Variants in DGKI observed in about 807,000 individuals in gnomAD.
The protein encoded by DGKI is diacylglycerol kinase iota.
Under a neutral mutation model 147.5 loss-of-function variants are expected in DGKI, and 55 were observed. The ratio of observed to expected loss-of-function variants is 0.37; its 90% CI spans 0.30 to 0.47. The LOEUF (loss-of-function observed/expected upper bound fraction) is 0.47, where lower values mean the gene tolerates loss of function less well. DGKI is among the 20% of genes least tolerant of loss of function. DGKI has a pLI of 1.00. For missense variants in DGKI, 1,007 were observed against 1,323.8 expected, an observed-to-expected ratio of 0.76 and a Z score of 3.71; for synonymous variants, 469 against 477.1, an observed-to-expected ratio of 0.98 and a Z score of 0.22.
intron 19 of DGKI, among the ~76,000 whole-genome samples, chr7:137,567,546 T>C (rs185283879): frequency 6.6e-6 from 1 of 152,210 alleles, no homozygotes; most frequent in African/African-American, 2.4e-5. Flanking sequence ...CTCAGAAACT[T>C]GACAGGACAA....
chr7:137,817,411 T>C (rs1051407501), intron 1 of DGKI, among the ~76,000 whole-genome samples: 1 of 152,232 alleles, frequency 6.6e-6, no homozygotes, highest in African/African-American at 2.4e-5. Flanking sequence ...ACAAGATATA[T>C]ATACCTATAA....
intron 3 of DGKI, among the ~76,000 whole-genome samples, chr7:137,673,635 T>A (rs1334240774): frequency 1.3e-5 from 2 of 152,166 alleles, no homozygotes; most frequent in African/African-American, 2.4e-5. Context: ...CAGCAGGTTT[T>A]CAAACCCAGG....
chr7:137,393,387 T>C lies in DGKI; in HGVS notation c.3058-2051A>G, dbSNP rs552320089. On this transcript the variant is annotated intron_variant, in intron 32 of 32. Coordinates refer to ENST00000614521, the MANE Select transcript of DGKI (RefSeq NM_001321708.2). ...CTGTTTGGTTTGTCCCTCTTTTTCA[T>C]GGCTTCTCTCTGTTTTTAAAATGAT... 1.3e-4 allele frequency among the ~76,000 whole-genome samples: 20 copies of C among 152,314 alleles called. No homozygotes were observed. In the South Asian group the frequency reaches 1.5e-3, roughly 11 times the overall value.
At position 137,425,936 on chromosome 7, in the gene DGKI, A is replaced by C. The variant is rs1373504483; in HGVS notation, c.2762-13729T>G. ...ATCTACGTCTGATTGGTGTATCTGA[A>C]AGTGACGGGGAGAATGGAACCAAGT... On this transcript the variant is annotated intron_variant, in intron 28 of 32. Coordinates refer to ENST00000614521, the MANE Select transcript of DGKI (RefSeq NM_001321708.2). Among the ~76,000 whole-genome samples, 3 of 152,182 alleles carry C rather than the reference A, an allele frequency of 2.0e-5. No homozygotes were observed. In the East Asian group the frequency reaches 5.8e-4, roughly 29 times the overall value.
At chr7:137,432,676 C>A (rs1241220798) in intron 28 of DGKI, among the ~76,000 whole-genome samples, 1 of 152,048 alleles carries the variant, frequency 6.6e-6, no homozygotes, top group African/African-American at 2.4e-5. Flanking sequence ...GGAATAAAAC[C>A]AGCATGTAGA....
intron 1 of DGKI, among the ~76,000 whole-genome samples, chr7:137,808,294 T>G (rs1052349094): frequency 1.3e-5 from 2 of 152,218 alleles, no homozygotes; most frequent in African/African-American, 4.8e-5. Context: ...ATTAATCTTA[T>G]AAATACAGAC....
Position 137,846,523 on chromosome 7 carries a change from TCTC to T in DGKI, c.337_339del (p.Glu113del), listed in dbSNP as rs766543557. The T allele has an allele frequency of 6.4e-6, 10 of 1,572,932 alleles. No homozygotes were observed. Among genetic ancestry groups the T allele is most frequent in the Non-Finnish European group, 7.7e-6 (9 of 1,163,172 alleles). ...AGCTTCTCCTCCAGCGCTTCGTCCTTCTCCTTCTGGCCGGCGGCCGCGGGCTCG... is the reference window on the plus strand; with the variant it reads ...AGCTTCTCCTCCAGCGCTTCGTCCTTCTTCTGGCCGGCGGCCGCGGGCTCG... On this transcript the variant is annotated inframe_deletion, in exon 1 of 33. Transcript: ENST00000614521. The surrounding 1 kb of genome is among the most constrained non-coding windows in gnomAD (Gnocchi z 4.0).
At chr7:137,694,189 C>T (rs1410556675) in intron 1 of DGKI, among the ~76,000 whole-genome samples, 3 of 151,888 alleles carry the variant, frequency 2.0e-5, no homozygotes, top group South Asian at 2.1e-4. Flanking sequence ...GGCGAGGTGG[C>T]GGGCGCCTGT....
intron 1 of DGKI, among the ~76,000 whole-genome samples, chr7:137,738,022 G>C (rs1010914181): frequency 1.3e-5 from 2 of 152,256 alleles, no homozygotes; most frequent in African/African-American, 4.8e-5. Flanking sequence ...TAATAGCCAA[G>C]CTTTATTAAG....
At chr7:137,672,547 T>C (rs1822879197) in intron 3 of DGKI, among the ~76,000 whole-genome samples, 1 of 152,164 alleles carries the variant, frequency 6.6e-6, no homozygotes, top group Non-Finnish European at 1.5e-5. Flanking sequence ...AACAGAAATG[T>C]ATTCTCTCAC....
At chr7:137,646,837 T>C (rs983946951) in intron 5 of DGKI, among the ~76,000 whole-genome samples, 2 of 152,166 alleles carry the variant, frequency 1.3e-5, no homozygotes, top group Non-Finnish European at 2.9e-5. Flanking sequence ...AAAGGTTATA[T>C]ATCAAGGCAT....
At chr7:137,707,334 A>G (rs1794070311) in intron 1 of DGKI, among the ~76,000 whole-genome samples, 1 of 152,232 alleles carries the variant, frequency 6.6e-6, no homozygotes, top group Non-Finnish European at 1.5e-5. Context: ...TTGGCAAGCC[A>G]TCAGGGCACA....
At chr7:137,479,803 C>T (rs1374167484) in intron 23 of DGKI, among the ~76,000 whole-genome samples, 1 of 152,170 alleles carries the variant, frequency 6.6e-6, no homozygotes, top group Non-Finnish European at 1.5e-5. Flanking sequence ...TCAAAATTCT[C>T]ATCTGTCTGC....
chr7:137,659,838 C>G (rs1036633939), intron 3 of DGKI, among the ~76,000 whole-genome samples: 1 of 152,136 alleles, frequency 6.6e-6, no homozygotes, highest in African/African-American at 2.4e-5. Flanking sequence ...GAGGCTGAGG[C>G]AGGAGAACGG....
chr7:137,627,087 A>G (rs1820967805), intron 6 of DGKI, among the ~76,000 whole-genome samples: 1 of 152,052 alleles, frequency 6.6e-6, no homozygotes, highest in Admixed American at 6.6e-5. Context: ...TTATAGTTCT[A>G]TTTATTTATT....
At chr7:137,596,030 A>G (rs706565) in intron 12 of DGKI, among the ~76,000 whole-genome samples, 4,655 of 131,428 alleles carry the variant, frequency 0.035, 157 homozygotes, top group African/African-American at 0.14. Flanking sequence ...AAAAAAAAAA[A>G]AAAGAAAGAA....
chr7:137,540,825 C>G (rs1235278708), intron 20 of DGKI, among the ~76,000 whole-genome samples: 1 of 110,990 alleles, frequency 9.0e-6, no homozygotes, highest in African/African-American at 3.1e-5. Context: ...ACTACTTAGG[C>G]ACAAATCTAA....
At chr7:137,452,402 G>C (rs1480412286) in intron 27 of DGKI, among the ~76,000 whole-genome samples, 2 of 152,130 alleles carry the variant, frequency 1.3e-5, no homozygotes, top group Non-Finnish European at 2.9e-5. Flanking sequence ...CCTGCAATAA[G>C]AAAAGGAAAC....
chr7:137,462,595 C>T (rs559011004), intron 27 of DGKI, among the ~76,000 whole-genome samples: 19 of 152,294 alleles, frequency 1.2e-4, no homozygotes, highest in African/African-American at 4.6e-4. Flanking sequence ...CAAAGCACTT[C>T]CTTTGCCTCT....
Sources: gnomAD v4.1 joint callset for allele counts (sites outside exome capture counted in the v4.1 genomes callset) on GRCh38, gnomAD v4.1.1 for gene constraint, Gnocchi (gnomAD v3.1) non-coding constraint, MANE v1.5 for transcripts, NCBI Gene and HGNC (gene_info 2026-07-23, HGNC 2026-07-21) for gene names.